The following PPP1R12A variants were observed in gnomAD, a reference collection of about 807,000 sequenced individuals.
PPP1R12A encodes myosin binding subunit.
Under a neutral mutation model 139.6 loss-of-function variants are expected in PPP1R12A, and 19 were observed. That is an observed-to-expected ratio of 0.14 (90% CI 0.09 to 0.20). The LOEUF is 0.20. Ranked by LOEUF, PPP1R12A falls within the 10% of genes least tolerant of loss-of-function variation. PPP1R12A has a pLI of 1.00. For missense variants in PPP1R12A, 925 were observed against 1,211.5 expected (o/e 0.76, Z 3.51); for synonymous variants, 427 against 420.6 (o/e 1.02, Z -0.19).
At position 79,820,845 on chromosome 12, in the gene PPP1R12A, CCTTCTT is replaced by C. The variant is rs756021369; in HGVS notation, c.1037_1042del (p.Glu346_Glu347del). ...AGAGCAGCTAGACTCATCCTTCTTT[CCTTCTT>C]CTTCTTCATCAACCTTTTCTTGTTC... On this transcript the variant is annotated inframe_deletion, in exon 8 of 25. Coordinates refer to ENST00000450142, the MANE Select transcript of PPP1R12A (RefSeq NM_002480.3). The C allele has an allele frequency of 1.7e-5, 27 of 1,613,454 alleles. No individual in the cohort carries two copies. The highest frequency in any genetic ancestry group is 2.2e-5 in the East Asian group (1 of 44,844).
chr12:79,935,317 G>T, upstream of PPP1R12A: 2 of 1,042,684 alleles, frequency 1.9e-6, no homozygotes, highest in Non-Finnish European at 2.3e-6. Flanking sequence ...CCAGAGGGAA[G>T]CGGGTGTGGC....
At chr12:79,799,284 G>A (rs1872820647) in intron 14 of PPP1R12A, among the ~76,000 whole-genome samples, 1 of 152,044 alleles carries the variant, frequency 6.6e-6, no homozygotes, top group Non-Finnish European at 1.5e-5. Context: ...GAGTAGCTGG[G>A]ACTACCTGCA....
chr12:79,863,726 TCAAAAGAGA>T (rs1881635941), intron 2 of PPP1R12A, among the ~76,000 whole-genome samples: 1 of 129,306 alleles, frequency 7.7e-6, no homozygotes, highest in Non-Finnish European at 1.6e-5. Context: ...CCAACAAAGA[TCAAAAGAGA>T]CAAAGAAGGC....
chr12:79,862,639 G>C (rs1881474901), intron 2 of PPP1R12A, among the ~76,000 whole-genome samples: 1 of 152,122 alleles, frequency 6.6e-6, no homozygotes, highest in Non-Finnish European at 1.5e-5. Flanking sequence ...TGATGGAGCT[G>C]AAAACCACAG....
chr12:79,920,430 C>T (rs945223761), intron 1 of PPP1R12A, among the ~76,000 whole-genome samples: 2 of 152,130 alleles, frequency 1.3e-5, no homozygotes, highest in African/African-American at 4.8e-5. Flanking sequence ...TGAGAAAATG[C>T]CAGACTGTTT....
At chr12:79,830,855 C>T (rs1877331614) in intron 4 of PPP1R12A, among the ~76,000 whole-genome samples, 1 of 152,116 alleles carries the variant, frequency 6.6e-6, no homozygotes, top group Non-Finnish European at 1.5e-5. Flanking sequence ...ATATATGTAA[C>T]TGGCACAATT....
chr12:79,902,309 TTTC>T (rs1304950706), intron 1 of PPP1R12A, among the ~76,000 whole-genome samples: 2 of 152,242 alleles, frequency 1.3e-5, no homozygotes, highest in East Asian at 1.9e-4. Context: ...AAATATGACA[TTTC>T]TTCTTAAGCC....
intron 19 of PPP1R12A, among the ~76,000 whole-genome samples, chr12:79,792,720 G>A (rs995344573): frequency 1.4e-4 from 21 of 152,084 alleles, no homozygotes; most frequent in Non-Finnish European, 3.1e-4. Flanking sequence ...GTGGGGGCTG[G>A]AGTCTGCGTG....
rs1592699915 is a variant in PPP1R12A, at chr12:79,842,474, T to C, written c.487+2828A>G. On this transcript the variant is annotated intron_variant, in intron 3 of 24. Coordinates refer to ENST00000450142, the MANE Select transcript of PPP1R12A (RefSeq NM_002480.3). ...GGAGTTGGCCCTCTACATCAATATT[T>C]CATACCATTCCTCTATCATTTGACC... is the stretch of plus-strand genomic sequence containing the variant. Among the ~76,000 whole-genome samples, 6 of 152,142 alleles carry C rather than the reference T, an allele frequency of 3.9e-5. No homozygotes were observed. In the South Asian group the frequency reaches 1.2e-3, roughly 32 times the overall value.
intron 8 of PPP1R12A, 117 bp downstream of exon 8, chr12:79,820,656 TG>T (rs1875990791): frequency 1.1e-6 from 1 of 937,996 alleles, no homozygotes; most frequent in Non-Finnish European, 1.6e-6. Flanking sequence ...TTTAGTAGTG[TG>T]GCAGGTATCT....
At chr12:79,915,458 A>T (rs1334502199) in intron 1 of PPP1R12A, among the ~76,000 whole-genome samples, 2 of 151,874 alleles carry the variant, frequency 1.3e-5, no homozygotes, top group African/African-American at 2.4e-5. Flanking sequence ...TTTTTTTTTT[A>T]AATCTAGGCT....
At chr12:79,782,303 C>T in intron 22 of PPP1R12A, 1 of 214,394 alleles carries the variant, frequency 4.7e-6, no homozygotes, top group Non-Finnish European at 9.6e-6. Flanking sequence ...GCAGCCAGAC[C>T]AGTAAACTGG....
At chr12:79,897,589 A>G (rs1056471930) in intron 1 of PPP1R12A, among the ~76,000 whole-genome samples, 22 of 152,190 alleles carry the variant, frequency 1.4e-4, no homozygotes, top group Non-Finnish European at 2.5e-4. Context: ...AAGAAAAAAA[A>G]CAACAAGCCT....
chr12:79,925,874 A>G (rs866595888), intron 1 of PPP1R12A, among the ~76,000 whole-genome samples: 44 of 152,196 alleles, frequency 2.9e-4, no homozygotes, highest in Middle Eastern at 3.2e-3. Context: ...ATAACAGAAA[A>G]TATGCATTAT....
chr12:79,797,159 C>G, intron 16 of PPP1R12A, 36 bp downstream of exon 16: 2 of 1,503,214 alleles, frequency 1.3e-6, no homozygotes, highest in African/African-American at 2.8e-5. Context: ...ACTATTCATA[C>G]CATTTGACTT....
At chr12:79,862,604 C>G (rs1367897493) in intron 2 of PPP1R12A, among the ~76,000 whole-genome samples, 2 of 152,070 alleles carry the variant, frequency 1.3e-5, no homozygotes, top group Non-Finnish European at 2.9e-5. Flanking sequence ...CTAGAATAAC[C>G]AGTGTAGAGA....
chr12:79,790,544 C>T (rs2137005022), intron 19 of PPP1R12A, 61 bp from the exon 20 acceptor site: 2 of 1,183,380 alleles, frequency 1.7e-6, no homozygotes, highest in Admixed American at 3.0e-5. Flanking sequence ...AAACTATTAA[C>T]CTATGATTAT....
At chr12:79,811,797 C>A (rs1437019741) in intron 9 of PPP1R12A, among the ~76,000 whole-genome samples, 1 of 152,018 alleles carries the variant, frequency 6.6e-6, no homozygotes, top group Non-Finnish European at 1.5e-5. Flanking sequence ...CTAGGTTTGG[C>A]CCACCAGCCA....
intron 2 of PPP1R12A, among the ~76,000 whole-genome samples, chr12:79,851,287 T>TA (rs770812200): frequency 1.3e-5 from 2 of 152,208 alleles, no homozygotes; most frequent in Non-Finnish European, 2.9e-5. Context: ...TGCAAAATAG[T>TA]AAATAATCTT....
Sources: gnomAD v4.1 joint callset for allele counts (sites outside exome capture counted in the v4.1 genomes callset) on GRCh38, gnomAD v4.1.1 for gene constraint, MANE v1.5 for transcripts, NCBI Gene and HGNC (gene_info 2026-07-23, HGNC 2026-07-21) for gene names.